The following SLC25A36 variants were observed in gnomAD, a reference collection of about 807,000 sequenced individuals.
SLC25A36 encodes solute carrier family 25 member 36.
SLC25A36 carries 24 observed loss-of-function variants against 35.3 expected under a neutral mutation model. That is an observed-to-expected ratio of 0.68 (90% CI 0.49 to 0.96). The LOEUF is 0.96. Ranked by LOEUF, SLC25A36 falls within the 40% of genes least tolerant of loss-of-function variation. The pLI is 0.00. For missense variants in SLC25A36, 294 were observed against 381.1 expected (o/e 0.77, Z 1.90); for synonymous variants, 141 against 132.2 (o/e 1.07, Z -0.46).
At position 140,961,371 on chromosome 3, in the gene SLC25A36, G is replaced by A. The variant is rs559831782; in HGVS notation, c.285-1756G>A. On this transcript the variant is annotated intron_variant, in intron 3 of 6. Coordinates refer to ENST00000324194, the MANE Select transcript of SLC25A36 (RefSeq NM_001104647.3). ...TATGTGGGGTGATTTTTTTAAAATT[G>A]TATAGCATTCTAGCACTAATAAACA... Among the ~76,000 whole-genome samples the A allele has an allele frequency of 1.1e-4, 16 of 151,858 alleles. No homozygotes were observed. In the East Asian group the frequency reaches 1.7e-3, roughly 17 times the overall value.
In SLC25A36 at chr3:140,941,990, C is replaced by T. The variant is rs919917430; in HGVS notation, c.-65C>T. On this transcript the variant is annotated 5_prime_UTR_variant, in exon 1 of 7. Coordinates refer to ENST00000324194, the MANE Select transcript of SLC25A36 (RefSeq NM_001104647.3). Reference sequence around the variant, plus strand: ...CGTCTCCAGTCCGGGACCGAAGCCGCCTGCCGTAGCGGGCGGCCAGATCCG... The same window carrying T: ...CGTCTCCAGTCCGGGACCGAAGCCGTCTGCCGTAGCGGGCGGCCAGATCCG... 2.3e-5 allele frequency: 20 copies of T among 884,182 alleles called. No individual in the cohort carries two copies. The highest frequency in any genetic ancestry group is 3.4e-5 in the Non-Finnish European group (19 of 555,144). The allele number at this position is 884,182 out of a possible 1,614,324, so 54.8% of individuals were successfully genotyped here. A position where few individuals can be genotyped will look rare whatever the true frequency, so the allele number is the denominator to read the frequency against.
At chr3:140,961,236 A>G (rs1326388074) in intron 3 of SLC25A36, among the ~76,000 whole-genome samples, 2 of 152,106 alleles carry the variant, frequency 1.3e-5, no homozygotes, top group Admixed American at 1.3e-4. Context: ...TCTTCCAGTA[A>G]TTTTTCTCGG....
chr3:140,950,457 A>G (rs149353629), intron 1 of SLC25A36, among the ~76,000 whole-genome samples: 18 of 152,024 alleles, frequency 1.2e-4, no homozygotes, highest in East Asian at 7.7e-4. Context: ...CCATTTCACT[A>G]TCATCTTGGG....
chr3:140,955,819 G>C (rs1332805145), intron 1 of SLC25A36, among the ~76,000 whole-genome samples: 1 of 152,018 alleles, frequency 6.6e-6, no homozygotes, highest in Non-Finnish European at 1.5e-5. Context: ...AGCCTCCCGA[G>C]TAGCCAGGAC....
At chr3:140,963,042 C>A in intron 3 of SLC25A36, 85 bp from the exon 4 acceptor site, 1 of 802,902 alleles carries the variant, frequency 1.2e-6, no homozygotes, top group South Asian at 2.4e-5. Flanking sequence ...TAAATTTCTC[C>A]ATTCTAAAAT....
intron 4 of SLC25A36, chr3:140,967,963 A>G: frequency 1.0e-6 from 1 of 984,656 alleles, no homozygotes; most frequent in Non-Finnish European, 1.2e-6. Flanking sequence ...CACAAAATTA[A>G]AATGCAAAAT....
At chr3:140,950,248 G>GCCCCCA (rs1484601379) in intron 1 of SLC25A36, among the ~76,000 whole-genome samples, 1 of 126,972 alleles carries the variant, frequency 7.9e-6, no homozygotes, top group African/African-American at 3.0e-5. Flanking sequence ...ATTCCTCCCC[G>GCCCCCA]CCCCCACCCC....
intron 3 of SLC25A36, among the ~76,000 whole-genome samples, chr3:140,960,059 C>T (rs1934588377): frequency 6.6e-6 from 1 of 151,908 alleles, no homozygotes; most frequent in Non-Finnish European, 1.5e-5. Context: ...CTTTATATTG[C>T]ATAGACTAGG....
At chr3:140,964,779 TTA>T (rs1934718068) in intron 4 of SLC25A36, 1 of 151,926 alleles carries the variant, frequency 6.6e-6, no homozygotes, top group African/African-American at 2.4e-5. Flanking sequence ...TTGATATTTG[TTA>T]TATCAGTATA....
chr3:140,950,780 A>C (rs2107785280), intron 1 of SLC25A36, among the ~76,000 whole-genome samples: 1 of 152,038 alleles, frequency 6.6e-6, no homozygotes, highest in Admixed American at 6.5e-5. Flanking sequence ...CTTGGTGTGG[A>C]TTGTTTTTGC....
At chr3:140,951,084 A>G (rs568930268) in intron 1 of SLC25A36, among the ~76,000 whole-genome samples, 2 of 152,270 alleles carry the variant, frequency 1.3e-5, no homozygotes, top group East Asian at 3.9e-4. Context: ...CTGCAGGGAA[A>G]AACTGCTGCT....
intron 1 of SLC25A36, chr3:140,942,414 C>G (rs538882984): frequency 4.0e-6 from 1 of 247,148 alleles, no homozygotes; most frequent in Non-Finnish European, 7.8e-6. Flanking sequence ...AGGCGGAGGC[C>G]GAATCCATGC....
At chr3:140,963,633 T>C (rs905355445) in intron 4 of SLC25A36, 1 of 157,078 alleles carries the variant, frequency 6.4e-6, no homozygotes, top group African/African-American at 2.4e-5. Context: ...TGTCGGCAAT[T>C]CTTGGTAAAG....
chr3:140,965,349 T>C (rs2107805183), intron 4 of SLC25A36: 1 of 151,862 alleles, frequency 6.6e-6, no homozygotes, highest in Admixed American at 6.6e-5. Flanking sequence ...AAGATAGTTC[T>C]GTGAAAAATC....
At chr3:140,946,482 A>T (rs775324677) in intron 1 of SLC25A36, among the ~76,000 whole-genome samples, 55 of 152,204 alleles carry the variant, frequency 3.6e-4, no homozygotes, top group Non-Finnish European at 3.1e-4. Context: ...TGCGTGGGAC[A>T]GGGGCAGAAG....
At chr3:140,950,270 G>A (rs1934284338) in intron 1 of SLC25A36, among the ~76,000 whole-genome samples, 1 of 132,758 alleles carries the variant, frequency 7.5e-6, no homozygotes, top group Admixed American at 8.6e-5. Flanking sequence ...CACTGCCCCT[G>A]AAGTTAATAA....
At chr3:140,962,155 C>T (rs2107801069) in intron 3 of SLC25A36, among the ~76,000 whole-genome samples, 1 of 152,166 alleles carries the variant, frequency 6.6e-6, no homozygotes, top group Non-Finnish European at 1.5e-5. Context: ...CTCTTCCCAA[C>T]TTGGCATCAA....
At chr3:140,942,163 G>T (rs1439067258) in intron 1 of SLC25A36, 68 bp downstream of exon 1, 1 of 228,674 alleles carries the variant, frequency 4.4e-6, no homozygotes, top group East Asian at 9.7e-5. Context: ...GGCGAGGGGG[G>T]CGAGGGGGGC....
intron 2 of SLC25A36, among the ~76,000 whole-genome samples, chr3:140,958,507 T>G (rs1934538072): frequency 6.6e-6 from 1 of 152,234 alleles, no homozygotes; most frequent in African/African-American, 2.4e-5. Context: ...TCTATCTACT[T>G]ACTTTTTCTA....
Sources: allele counts gnomAD v4.1 joint callset (sites outside exome capture counted in the v4.1 genomes callset), GRCh38; gene constraint gnomAD v4.1.1; transcripts MANE v1.5; gene names NCBI Gene and HGNC (gene_info 2026-07-23, HGNC 2026-07-21).